KDM1A: variants seen among roughly 807,000 people sequenced by gnomAD.
KDM1A encodes lysine demethylase 1A, also known as lysine-specific histone demethylase 1A.
Under a neutral mutation model 109.4 loss-of-function variants are expected in KDM1A, and 49 were observed. The ratio of observed to expected loss-of-function variants is 0.45; its 90% confidence interval spans 0.36 to 0.57. KDM1A has a LOEUF of 0.57. KDM1A is among the 20% of genes least tolerant of loss of function. KDM1A has a pLI of 0.00. For missense variants in KDM1A, 668 were observed against 1,116.6 expected, an observed-to-expected ratio of 0.60 and a Z score of 5.73; for synonymous variants, 380 against 415.4, an observed-to-expected ratio of 0.91 and a Z score of 1.04.
At chr1:23,031,193 A>G (rs906884566) in intron 2 of KDM1A, among the ~76,000 whole-genome samples, 69 of 152,322 alleles carry the variant, frequency 4.5e-4, no homozygotes, top group African/African-American at 1.6e-3. Context: ...CAGAGCTTCA[A>G]ACAGCTTTAA....
At position 23,044,301 on chromosome 1, in the gene KDM1A, G is replaced by C. The variant is rs1303877996; in HGVS notation, c.518-126G>C. 8.5e-5 allele frequency: 66 copies of C among 773,148 alleles called. No homozygotes were observed. In the Admixed American group the frequency reaches 1.4e-3, roughly 16 times the overall value. The allele number at this position is 773,148 out of a possible 1,614,324, so 47.9% of individuals were successfully genotyped here. Reference sequence around the variant, plus strand: ...CTGGGCCTTGATTCCAGAAGAAGGAGCTCTCTGAATATGGGTTTACTAGTT... The same window carrying C: ...CTGGGCCTTGATTCCAGAAGAAGGACCTCTCTGAATATGGGTTTACTAGTT... On this transcript the variant is annotated intron_variant, in intron 2 of 20. Transcript: ENST00000400181.
At chr1:23,069,952 G>A (rs1413832250) in intron 12 of KDM1A, among the ~76,000 whole-genome samples, 1 of 152,204 alleles carries the variant, frequency 6.6e-6, no homozygotes, top group Admixed American at 6.5e-5. Flanking sequence ...GCCTGTGACT[G>A]GACTCTTGCC....
At chr1:23,056,901 G>A (rs916105099) in intron 7 of KDM1A, among the ~76,000 whole-genome samples, 4 of 151,436 alleles carry the variant, frequency 2.6e-5, no homozygotes, top group African/African-American at 4.9e-5. Context: ...AAAATCCCTC[G>A]TCAGCAGTGA....
At chr1:23,080,801 G>T (rs1305561497) in intron 18 of KDM1A, 1 of 152,174 alleles carries the variant, frequency 6.6e-6, no homozygotes, top group Admixed American at 6.6e-5. Flanking sequence ...CGACTTCCAG[G>T]ACACATCTCC....
chr1:23,024,977 C>A (rs1010745401), intron 1 of KDM1A, among the ~76,000 whole-genome samples: 3 of 152,080 alleles, frequency 2.0e-5, no homozygotes, highest in African/African-American at 7.2e-5. Flanking sequence ...GAACAATGGA[C>A]AAATGAATTT....
intron 9 of KDM1A, among the ~76,000 whole-genome samples, chr1:23,061,696 C>CA (rs2124486567): frequency 1.3e-5 from 2 of 148,714 alleles, no homozygotes; most frequent in South Asian, 4.2e-4. Flanking sequence ...CTTGCTCTGT[C>CA]ACCAGGCTGG....
At chr1:23,041,590 A>G (rs1161432919) in intron 2 of KDM1A, among the ~76,000 whole-genome samples, 4 of 151,214 alleles carry the variant, frequency 2.6e-5, no homozygotes, top group Non-Finnish European at 4.4e-5. Context: ...TTACAGGTGC[A>G]TACCATAGCG....
At chr1:23,030,746 T>A in intron 2 of KDM1A, 112 bp downstream of exon 2, 1 of 1,154,042 alleles carries the variant, frequency 8.7e-7, no homozygotes, top group Non-Finnish European at 1.2e-6. Flanking sequence ...TATAATAAAG[T>A]CTGATATTGA....
At chr1:23,068,449 G>A in intron 10 of KDM1A, 90 bp from the exon 11 acceptor site, 1 of 1,069,416 alleles carries the variant, frequency 9.4e-7, no homozygotes, top group Middle Eastern at 2.2e-4. Flanking sequence ...TACATATTTT[G>A]ACCTTTATAA....
chr1:23,080,426 C>T (rs575408366), intron 18 of KDM1A, among the ~76,000 whole-genome samples: 22 of 152,318 alleles, frequency 1.4e-4, no homozygotes, highest in African/African-American at 5.1e-4. Flanking sequence ...CTATTGCCTA[C>T]CTCCCAGTCC....
chr1:23,049,231 G>A (rs919439474), intron 3 of KDM1A, among the ~76,000 whole-genome samples: 1 of 151,182 alleles, frequency 6.6e-6, no homozygotes, highest in Middle Eastern at 3.4e-3. Context: ...TACTTAAATG[G>A]TATGGAATTT....
At chr1:23,046,844 G>A (rs897115863) in intron 3 of KDM1A, among the ~76,000 whole-genome samples, 2 of 152,154 alleles carry the variant, frequency 1.3e-5, no homozygotes, top group Non-Finnish European at 2.9e-5. Context: ...AAGTAAGACT[G>A]GTATTTAGGC....
At chr1:23,035,203 G>T (rs368863220) in intron 2 of KDM1A, among the ~76,000 whole-genome samples, 1 of 152,078 alleles carries the variant, frequency 6.6e-6, no homozygotes, top group Non-Finnish European at 1.5e-5. Context: ...GGCTGTTTTT[G>T]TTTGTTTGTT....
chr1:23,037,741 T>C (rs140605000), intron 2 of KDM1A, among the ~76,000 whole-genome samples: 4 of 152,362 alleles, frequency 2.6e-5, no homozygotes, highest in Non-Finnish European at 5.9e-5. Context: ...GATTTTTAAC[T>C]ATTTACTGCT....
At chr1:23,070,911 A>G (rs923024280) in intron 12 of KDM1A, among the ~76,000 whole-genome samples, 6 of 152,294 alleles carry the variant, frequency 3.9e-5, no homozygotes, top group African/African-American at 1.4e-4. Context: ...ATTTATTTCA[A>G]TACTGGGTTT....
At position 23,041,994 on chromosome 1, in the gene KDM1A, ATTGAT is replaced by A. The variant is rs561041933; in HGVS notation, c.518-2431_518-2427del. On this transcript the variant is annotated intron_variant, in intron 2 of 20. Transcript: ENST00000400181. ...ATCTTTTTTTGTGAATCAAAGCACC[ATTGAT>A]TCACACACAAAAATCAGTCAAGAGC... Among the ~76,000 whole-genome samples, 405 of 152,234 alleles carry A rather than the reference ATTGAT, an allele frequency of 2.7e-3. 4 individuals carry two copies. Among genetic ancestry groups the A allele is most frequent in the African/African-American group, 9.0e-3 (375 of 41,536 alleles).
At chr1:23,022,755 T>G (rs959647509) in intron 1 of KDM1A, among the ~76,000 whole-genome samples, 3 of 149,762 alleles carry the variant, frequency 2.0e-5, no homozygotes, top group African/African-American at 7.4e-5. Context: ...TCCTCCTGGG[T>G]TCAAGCGATT....
intron 9 of KDM1A, among the ~76,000 whole-genome samples, chr1:23,060,590 G>A (rs777087114): frequency 6.6e-6 from 1 of 152,174 alleles, no homozygotes; most frequent in African/African-American, 2.4e-5. Flanking sequence ...TGGAGGGAAG[G>A]AGAGCATTTG....
intron 9 of KDM1A, 91 bp from the exon 10 acceptor site, chr1:23,065,969 G>T (rs2124501088): frequency 6.4e-7 from 1 of 1,561,544 alleles, no homozygotes; most frequent in South Asian, 1.2e-5. Flanking sequence ...TTAAAGCCTT[G>T]ATTTTATTGC....
Sources: gnomAD v4.1 joint callset for allele counts (sites outside exome capture counted in the v4.1 genomes callset) on GRCh38, gnomAD v4.1.1 for gene constraint, MANE v1.5 for transcripts, NCBI Gene and HGNC (gene_info 2026-07-23, HGNC 2026-07-21) for gene names.